Variants in SMARCC2 observed in about 807,000 individuals in gnomAD.
The protein encoded by SMARCC2 is SWI/SNF related BAF chromatin remodeling complex subunit C2, also known as SWI/SNF complex subunit SMARCC2.
In SMARCC2, 15 loss-of-function variants were observed where a neutral mutation model predicts 151.3. That is an observed-to-expected ratio of 0.10 (90% CI 0.07 to 0.15). SMARCC2 has a LOEUF of 0.15. Among genes scored for constraint, SMARCC2 ranks in the 10% least tolerant of loss-of-function variants. The pLI is 1.00. For missense variants in SMARCC2, 1,031 were observed against 1,599.7 expected (o/e 0.64, Z 6.06); for synonymous variants, 590 against 609.5 (o/e 0.97, Z 0.47).
At chr12:56,168,449 A>G (rs1000695631) in intron 25 of SMARCC2, among the ~76,000 whole-genome samples, 19 of 149,958 alleles carry the variant, frequency 1.3e-4, no homozygotes, top group Non-Finnish European at 2.8e-4. Context: ...ATCTCAGCTC[A>G]CTGTAACCTC....
In SMARCC2 at chr12:56,167,889, AACACAC is replaced by A. The variant is rs57344405; in HGVS notation, c.2850+165_2850+170del. Among the ~76,000 whole-genome samples, 5 of 132,566 alleles carry A rather than the reference AACACAC, an allele frequency of 3.8e-5. No individual in the cohort carries two copies. The Admixed American group carries it at 3.9e-4, about 10-fold the overall frequency. The allele number at this position is 132,566 out of a possible 152,430, so 87.0% of individuals were successfully genotyped here. ...CCCACTGTTGCTTATCTTTCACTGA[AACACAC>A]ACACACACACACACACTCAGGCTTT... On this transcript the variant is annotated intron_variant, in intron 26 of 28. Transcript: ENST00000550164.
At chr12:56,178,938 A>G (rs1592308577) in intron 12 of SMARCC2, 59 bp downstream of exon 12, 3 of 1,601,386 alleles carry the variant, frequency 1.9e-6, no homozygotes, top group East Asian at 2.2e-5. Flanking sequence ...AAAAGGGGGC[A>G]GCTGAGCCCT....
rs1210724840 is a variant in SMARCC2, at chr12:56,174,692, G to A, written c.1455C>T (p.Ala485=). The A allele has an allele frequency of 1.9e-6, 3 of 1,613,966 alleles. No individual in the cohort carries two copies. The highest frequency in any genetic ancestry group is 1.3e-5 in the African/African-American group (1 of 74,906). The change falls in exon 16 of 29, where the codon GCC becomes GCT. Residue 485 remains alanine, a synonymous_variant. Transcript: ENST00000550164. ...LNPQEYLTST[A]CRRNLAGDVC... is the part of the protein sequence containing the mutation. ...CATCACCCGCTAGGTTTCGGCGGCA[G>A]GCGGTAGAGGTAAGATACTCTTGGG...
Position 56,163,804 on chromosome 12 carries a change from G to A in SMARCC2, c.3662-39C>T, listed in dbSNP as rs74092007. The stretch of plus-strand genomic sequence containing the variant: ...GAAGATAAATCAGTTAGAGTACGCC[G>A]GAGAGATGGCTCCAGACCCAGACCA... On this transcript the variant is annotated intron_variant, in intron 28 of 28. Coordinates refer to ENST00000550164, the MANE Select transcript of SMARCC2 (RefSeq NM_001330288.2). 3.3e-3 allele frequency: 4,494 copies of A among 1,371,192 alleles called. 119 individuals are homozygous for A. In the African/African-American group the frequency reaches 0.061, roughly 19 times the overall value. The allele number at this position is 1,371,192 out of a possible 1,614,324, so 84.9% of individuals were successfully genotyped here.
In SMARCC2 at chr12:56,181,556, T is replaced by G; in HGVS notation, c.882A>C (p.Gly294=). 1 of 1,588,810 alleles carries G rather than the reference T, an allele frequency of 6.3e-7. No homozygotes were observed. The highest frequency in any genetic ancestry group is 8.6e-7 in the Non-Finnish European group (1 of 1,168,596). Reference sequence around the variant, plus strand: ...GGGAGCGCTTCCTCTTCTTATAGTTTCCCCCCTTCTTGTCCCGTCGATCTG... The same window carrying G: ...GGGAGCGCTTCCTCTTCTTATAGTTGCCCCCCTTCTTGTCCCGTCGATCTG... ...PDSDRRDKKG[G]NYKKRKRSPS... Residue 294 remains glycine (G), a synonymous_variant, in exon 10 of 29, where the codon GGA becomes GGC. Coordinates refer to ENST00000550164, the MANE Select transcript of SMARCC2 (RefSeq NM_001330288.2).
intron 26 of SMARCC2, among the ~76,000 whole-genome samples, chr12:56,166,594 T>C (rs1248289285): frequency 8.1e-6 from 1 of 124,104 alleles, no homozygotes; most frequent in Non-Finnish European, 1.9e-5. Context: ...CTTTTTCTTC[T>C]TTTTTTTTTT....
intron 10 of SMARCC2, 70 bp downstream of exon 10, chr12:56,181,412 T>C (rs1421333532): frequency 6.0e-6 from 6 of 994,702 alleles, no homozygotes; most frequent in Non-Finnish European, 7.5e-6. Context: ...AGGAAGGGAT[T>C]TGTCTTTCCT....
At chr12:56,181,862 CAG>C in intron 8 of SMARCC2, 27 bp from the exon 9 acceptor site, 1 of 1,614,012 alleles carries the variant, frequency 6.2e-7, no homozygotes, top group Non-Finnish European at 8.5e-7. Flanking sequence ...GATCATGCTG[CAG>C]AGAAGCCTGG....
intron 28 of SMARCC2, 123 bp downstream of exon 28, chr12:56,164,180 A>C (rs574954999): frequency 1.1e-6 from 1 of 878,200 alleles, no homozygotes; most frequent in East Asian, 2.7e-5. Flanking sequence ...TTCTAATTTT[A>C]CCAGAGTGTT....
Position 56,171,262 on chromosome 12 carries a change from T to C in SMARCC2, c.2347+9A>G, listed in dbSNP as rs1873902733. 1.2e-6 allele frequency: 2 copies of C among 1,613,858 alleles called. No homozygotes were observed. Among genetic ancestry groups the C allele is most frequent in the East Asian group, 2.2e-5 (1 of 44,874 alleles). Reference sequence around the variant, plus strand: ...AAGGCAAGAAATCTGGGAACCTGCCTGGCCTTACCAATCCGCTCAGGCTCA... The same window carrying C: ...AAGGCAAGAAATCTGGGAACCTGCCCGGCCTTACCAATCCGCTCAGGCTCA... On this transcript the variant is annotated intron_variant, in intron 22 of 28. Transcript: ENST00000550164. The surrounding 1 kb of genome is among the most constrained non-coding windows in gnomAD (Gnocchi z 4.2).
intron 1 of SMARCC2, among the ~76,000 whole-genome samples, chr12:56,187,812 T>G (rs933829152): frequency 3.3e-5 from 5 of 152,152 alleles, no homozygotes; most frequent in African/African-American, 1.2e-4. Context: ...GCATTTTGCT[T>G]CTGAAGACTG....
chr12:56,184,192 G>A lies in SMARCC2; in HGVS notation c.545C>T (p.Pro182Leu), dbSNP rs775317449. Residue 182 changes from proline to leucine, a missense_variant, in exon 6 of 29, where the codon CCG becomes CTG. This residue lies in a region of SMARCC2 where 123 missense variants were observed against 190.4 expected (regional missense o/e 0.65). Coordinates refer to ENST00000550164, the MANE Select transcript of SMARCC2 (RefSeq NM_001330288.2). ...NNASHVVYPV[P>L]GNLEEEEWVR... ...GGTCTCACCTTCTTCTAGATTCCCC[G>A]GGACAGGATACACAACATGGGAGGC... 23 of 1,613,220 alleles carry A rather than the reference G, an allele frequency of 1.4e-5. No individual in the cohort carries two copies. In the East Asian group the frequency reaches 1.8e-4, roughly 12 times the overall value.
At position 56,162,488 on chromosome 12, in the gene SMARCC2, G is replaced by A. The variant is rs369945276; in HGVS notation, c.*1201C>T. On this transcript the variant is annotated 3_prime_UTR_variant, in exon 29 of 29. Coordinates refer to ENST00000550164, the MANE Select transcript of SMARCC2 (RefSeq NM_001330288.2). ...AGGGAGAGAAACATGGGGACATGAG[G>A]AACAAAGGGCCTGGTGGGAGGAACC... is the stretch of plus-strand genomic sequence containing the variant. The A allele has an allele frequency of 5.8e-5, 33 of 573,164 alleles. 1 individual carries two copies. The highest frequency in any genetic ancestry group is 5.2e-4 in the South Asian group (22 of 42,500). The allele number at this position is 573,164 out of a possible 1,614,324, so 35.5% of individuals were successfully genotyped here. A position where few individuals can be genotyped will look rare whatever the true frequency, so the allele number is the denominator to read the frequency against.
intron 25 of SMARCC2, among the ~76,000 whole-genome samples, chr12:56,168,819 A>C (rs1010685180): frequency 4.6e-5 from 7 of 152,110 alleles, no homozygotes; most frequent in African/African-American, 1.7e-4. Context: ...ATCTCTGCTA[A>C]AAATACAAAA....
chr12:56,186,350 T>A, intron 2 of SMARCC2, 110 bp from the exon 3 acceptor site: 3 of 146,008 alleles, frequency 2.1e-5, no homozygotes, highest in East Asian at 1.9e-4. Context: ...TTGATCTCCC[T>A]TTTTTTTTTT....
intron 3 of SMARCC2, chr12:56,185,545 CT>C (rs1877089086): frequency 5.4e-6 from 1 of 183,552 alleles, no homozygotes; most frequent in African/African-American, 2.4e-5. Context: ...CTGGCGCGAT[CT>C]TGGCCAGCTG....
intron 11 of SMARCC2, among the ~76,000 whole-genome samples, chr12:56,179,727 C>A (rs1293434539): frequency 2.0e-5 from 3 of 152,214 alleles, no homozygotes; most frequent in Non-Finnish European, 4.4e-5. Flanking sequence ...CGCTCTGTCG[C>A]CCAGGCTGGA....
At position 56,171,128 on chromosome 12, in the gene SMARCC2, AAC is replaced by A; in HGVS notation, c.2347+141_2347+142del. The A allele has an allele frequency of 1.3e-6, 1 of 762,348 alleles. No individual in the cohort carries two copies. The allele number at this position is 762,348 out of a possible 1,614,324, so 47.2% of individuals were successfully genotyped here. A position where few individuals can be genotyped will look rare whatever the true frequency, so the allele number is the denominator to read the frequency against. The stretch of plus-strand genomic sequence containing the variant: ...GTAGGGCTCCAGAGCCCCTGAGGTA[AAC>A]TCATGGGGAAAATAAAAACCCTACC... On this transcript the variant is annotated intron_variant, in intron 22 of 28. Coordinates refer to ENST00000550164, the MANE Select transcript of SMARCC2 (RefSeq NM_001330288.2). This position sits in a 1 kb window ranked among gnomAD's most constrained non-coding sequence, Gnocchi z 4.2.
intron 6 of SMARCC2, 48 bp from the exon 7 acceptor site, chr12:56,183,978 C>A (rs1565921059): frequency 6.4e-6 from 9 of 1,409,038 alleles, no homozygotes; most frequent in Admixed American, 5.4e-5. Flanking sequence ...AAGGGGGACA[C>A]AAAAAAAATA....
Sources: allele counts gnomAD v4.1 joint callset (sites outside exome capture counted in the v4.1 genomes callset), GRCh38; gene constraint gnomAD v4.1.1; regional missense constraint gnomAD v4.1.1; non-coding constraint Gnocchi (gnomAD v3.1); transcripts MANE v1.5; gene names NCBI Gene and HGNC (gene_info 2026-07-23, HGNC 2026-07-21).